DRGX: variants seen among roughly 807,000 people sequenced by gnomAD.
DRGX encodes the protein dorsal root ganglia homeobox.
In DRGX, 21 loss-of-function variants were observed where a neutral mutation model predicts 28.6. The observed-to-expected ratio is 0.73, with a 90% CI of 0.52 to 1.06. The LOEUF (loss-of-function observed/expected upper bound fraction) is 1.06. Among genes scored for constraint, DRGX ranks in the 50% least tolerant of loss-of-function variants. DRGX has a pLI of 0.00. For missense variants in DRGX, 354 were observed against 343.9 expected (o/e 1.03, Z -0.23); for synonymous variants, 136 against 139.1 (o/e 0.98, Z 0.16).
chr10:49,378,252 TA>T (rs529575183), intron 6 of DRGX, among the ~76,000 whole-genome samples: 71 of 151,142 alleles, frequency 4.7e-4, no homozygotes, highest in African/African-American at 1.5e-3. Context: ...AGGGTATCTT[TA>T]AAAAAAAAGG....
rs754812158 is a variant in DRGX, at chr10:49,366,096, G to C, written c.*20C>G. 1.3e-6 allele frequency: 2 copies of C among 1,525,410 alleles called. No homozygotes were observed. Among genetic ancestry groups the C allele is most frequent in the Admixed American group, 1.9e-5 (1 of 51,352 alleles). The allele number at this position is 1,525,410 out of a possible 1,614,324, so 94.5% of individuals were successfully genotyped here. ...AAGGAGGGGCGGGGGAGGGCAGGCC[G>C]GGCGGGGCACTGTGGACCCTCATAC... is the stretch of plus-strand genomic sequence containing the variant. On this transcript the variant is annotated 3_prime_UTR_variant, in exon 7 of 7. Coordinates refer to ENST00000374139, the MANE Select transcript of DRGX (RefSeq NM_001276451.2).
At chr10:49,383,141 T>C (rs1286315232) in intron 6 of DRGX, among the ~76,000 whole-genome samples, 3 of 152,212 alleles carry the variant, frequency 2.0e-5, no homozygotes, top group Non-Finnish European at 4.4e-5. Flanking sequence ...CAGGCACTTT[T>C]AGAATGCAGA....
chr10:49,385,398 A>C (rs1269547622), intron 6 of DRGX, among the ~76,000 whole-genome samples: 1 of 151,766 alleles, frequency 6.6e-6, no homozygotes, highest in African/African-American at 2.4e-5. Context: ...GGGCACCCTC[A>C]CCCTATCTCT....
At chr10:49,370,648 G>C (rs1322237691) in intron 6 of DRGX, among the ~76,000 whole-genome samples, 1 of 152,240 alleles carries the variant, frequency 6.6e-6, no homozygotes, top group Non-Finnish European at 1.5e-5. Context: ...ACCTGAATGA[G>C]AACTGGGAAG....
At chr10:49,370,620 T>C (rs886235440) in intron 6 of DRGX, among the ~76,000 whole-genome samples, 2 of 152,152 alleles carry the variant, frequency 1.3e-5, no homozygotes, top group African/African-American at 4.8e-5. Flanking sequence ...CAAAGGGGCT[T>C]CCCCTGGACC....
intron 6 of DRGX, among the ~76,000 whole-genome samples, chr10:49,384,676 C>T (rs902434245): frequency 3.5e-4 from 53 of 152,158 alleles, no homozygotes; most frequent in Admixed American, 9.8e-4. Context: ...CCCTCCTGTC[C>T]GCACCAGCCT....
At position 49,366,054 on chromosome 10, in the gene DRGX, G is replaced by T; in HGVS notation, c.*62C>A. 1 of 1,488,694 alleles carries T rather than the reference G, an allele frequency of 6.7e-7. No individual in the cohort carries two copies. The highest frequency in any genetic ancestry group is 8.9e-7 in the Non-Finnish European group (1 of 1,122,214). The allele number at this position is 1,488,694 out of a possible 1,614,324, so 92.2% of individuals were successfully genotyped here. ...CTTGCTATTTGGAGAGTTTTCTGTAGGGGCTGAGGCTGGGAGAAGGAGGGG... is the reference window on the plus strand; with the variant it reads ...CTTGCTATTTGGAGAGTTTTCTGTATGGGCTGAGGCTGGGAGAAGGAGGGG... On this transcript the variant is annotated 3_prime_UTR_variant, in exon 7 of 7. Coordinates refer to ENST00000374139, the MANE Select transcript of DRGX (RefSeq NM_001276451.2).
chr10:49,390,544 T>G (rs923806354), intron 3 of DRGX, among the ~76,000 whole-genome samples: 10 of 152,212 alleles, frequency 6.6e-5, no homozygotes, highest in African/African-American at 2.4e-4. Context: ...AACAGTCACC[T>G]TATGAACTGT....
In DRGX at chr10:49,390,144, C is replaced by T. The variant is rs1292825847; in HGVS notation, c.223G>A (p.Ala75Thr). Residue 75 changes from alanine (A) to threonine (T), a missense_variant, in exon 4 of 7, where the codon GCC (alanine) becomes ACC (threonine). Coordinates refer to ENST00000374139, the MANE Select transcript of DRGX (RefSeq NM_001276451.2). Reference protein sequence around the residue: ...ELAMKINLTEARVQVWFQNRR... With the variant: ...ELAMKINLTETRVQVWFQNRR... Reference sequence around the variant, plus strand: ...AAAAGAAGGTTTACCTGCACTCTGGCTTCTGTGAGGTTTATTTTCATGGCG... The same window carrying T: ...AAAAGAAGGTTTACCTGCACTCTGGTTTCTGTGAGGTTTATTTTCATGGCG... 1 of 1,610,922 alleles carries T rather than the reference C, an allele frequency of 6.2e-7. No individual in the cohort carries two copies. Among genetic ancestry groups the T allele is most frequent in the East Asian group, 2.2e-5 (1 of 44,860 alleles).
intron 6 of DRGX, among the ~76,000 whole-genome samples, chr10:49,378,784 C>T (rs1252068332): frequency 6.6e-6 from 1 of 152,070 alleles, no homozygotes; most frequent in African/African-American, 2.4e-5. Flanking sequence ...CTAATTGCAA[C>T]AAATCTTGTA....
chr10:49,394,505 G>A (rs941831282), intron 2 of DRGX, among the ~76,000 whole-genome samples: 1 of 152,204 alleles, frequency 6.6e-6, no homozygotes, highest in African/African-American at 2.4e-5. Context: ...CAATACCCCA[G>A]TGCTGAGACT....
At chr10:49,378,923 T>A (rs910546102) in intron 6 of DRGX, among the ~76,000 whole-genome samples, 1 of 152,194 alleles carries the variant, frequency 6.6e-6, no homozygotes, top group South Asian at 2.1e-4. Flanking sequence ...AGTACATATA[T>A]GTATATGTGA....
intron 6 of DRGX, among the ~76,000 whole-genome samples, chr10:49,374,676 T>C (rs1416075293): frequency 6.6e-6 from 1 of 152,236 alleles, no homozygotes; most frequent in Non-Finnish European, 1.5e-5. Flanking sequence ...AAATACTTAA[T>C]GTAATAAATA....
intron 6 of DRGX, among the ~76,000 whole-genome samples, chr10:49,368,455 T>C (rs1849621831): frequency 6.6e-6 from 1 of 152,214 alleles, no homozygotes; most frequent in Non-Finnish European, 1.5e-5. Flanking sequence ...ATGCTTTTGG[T>C]CAAACCCCGA....
chr10:49,383,028 C>T (rs1409046153), intron 6 of DRGX, among the ~76,000 whole-genome samples: 1 of 152,166 alleles, frequency 6.6e-6, no homozygotes, highest in Non-Finnish European at 1.5e-5. Context: ...GAGATCCCCA[C>T]ACACCTCCAA....
In DRGX at chr10:49,365,970, T is replaced by C; in HGVS notation, c.*146A>G. On this transcript the variant is annotated 3_prime_UTR_variant, in exon 7 of 7. Transcript: ENST00000374139. ...GGGACGCTCCAGGTGCCAAGGGAGC[T>C]GTGGGTCTCACTTGCCCGTCCTGGG... is the stretch of plus-strand genomic sequence containing the variant. The C allele has an allele frequency of 5.3e-6, 5 of 944,070 alleles. No homozygotes were observed. The South Asian group carries it at 9.8e-5, about 18-fold the overall frequency. The allele number at this position is 944,070 out of a possible 1,614,324, so 58.5% of individuals were successfully genotyped here. A position where few individuals can be genotyped will look rare whatever the true frequency, so the allele number is the denominator to read the frequency against.
intron 6 of DRGX, among the ~76,000 whole-genome samples, chr10:49,374,844 C>T (rs374522458): frequency 6.6e-5 from 10 of 152,298 alleles, no homozygotes; most frequent in East Asian, 5.8e-4. Flanking sequence ...CTCTCACACA[C>T]GGTTTTCCTG....
intron 6 of DRGX, among the ~76,000 whole-genome samples, chr10:49,382,152 C>T (rs1433256146): frequency 6.6e-6 from 1 of 152,076 alleles, no homozygotes; most frequent in Non-Finnish European, 1.5e-5. Context: ...CCCCAACCAG[C>T]CATGCTCATC....
At chr10:49,382,208 A>G (rs1167784567) in intron 6 of DRGX, among the ~76,000 whole-genome samples, 3 of 152,284 alleles carry the variant, frequency 2.0e-5, no homozygotes, top group African/African-American at 7.2e-5. Flanking sequence ...CCAGGCAGGG[A>G]GGGAAGGACA....
Sources: gnomAD v4.1 joint callset for allele counts (sites outside exome capture counted in the v4.1 genomes callset) on GRCh38, gnomAD v4.1.1 for gene constraint, MANE v1.5 for transcripts, NCBI Gene and HGNC (gene_info 2026-07-23, HGNC 2026-07-21) for gene names.